IMMP2L: variants seen among roughly 807,000 people sequenced by gnomAD.
IMMP2L encodes the protein inner mitochondrial membrane peptidase subunit 2.
Under a neutral mutation model 19.3 loss-of-function variants are expected in IMMP2L, and 18 were observed. The observed-to-expected ratio is 0.93, with a 90% confidence interval of 0.64 to 1.38. The LOEUF is 1.38. Ranked by LOEUF, IMMP2L falls within the 40% of genes most tolerant of loss-of-function variation. The pLI is 0.00. For missense variants in IMMP2L, 233 were observed against 218.2 expected (o/e 1.07, Z -0.43); for synonymous variants, 76 against 73.0 (o/e 1.04, Z -0.21).
rs374116895 is a variant in IMMP2L at position 111,095,635 on chromosome 7, C to T, written c.240-132070G>A. 2.8e-4 allele frequency among the ~76,000 whole-genome samples: 42 copies of T among 152,042 alleles called. 1 individual carries two copies. Among genetic ancestry groups the T allele is most frequent in the East Asian group, 7.7e-4 (4 of 5,174 alleles). ...TTAGAGTTTTGCCCTGTTTTTAAAA[C>T]ATGTTAATAATAATACTGCTATCCT... On this transcript the variant is annotated intron_variant, in intron 3 of 5. Transcript: ENST00000405709.
chr7:110,962,672 G>A (rs997549261), intron 4 of IMMP2L: 17 of 974,196 alleles, frequency 1.7e-5, no homozygotes, highest in Non-Finnish European at 2.1e-5. Flanking sequence ...GGATCCTCTG[G>A]CCATGCTGTG....
intron 3 of IMMP2L, among the ~76,000 whole-genome samples, chr7:111,116,778 A>G (rs1799928543): frequency 1.3e-5 from 2 of 152,184 alleles, no homozygotes; most frequent in African/African-American, 4.8e-5. Context: ...GAAACACCCA[A>G]CAATAATAAC....
chr7:111,323,909 C>A (rs1052267461), intron 3 of IMMP2L, among the ~76,000 whole-genome samples: 4 of 152,134 alleles, frequency 2.6e-5, no homozygotes, highest in South Asian at 2.1e-4. Flanking sequence ...CCAAACACTG[C>A]ATGTTCTCAC....
intron 3 of IMMP2L, among the ~76,000 whole-genome samples, chr7:111,445,676 T>C (rs778985358): frequency 1.3e-5 from 2 of 151,290 alleles, no homozygotes; most frequent in Non-Finnish European, 2.9e-5. Context: ...GGAAATGGGA[T>C]TAATTAAAGA....
chr7:111,008,731 A>G (rs1261766564), intron 3 of IMMP2L, among the ~76,000 whole-genome samples: 1 of 152,070 alleles, frequency 6.6e-6, no homozygotes, highest in Non-Finnish European at 1.5e-5. Flanking sequence ...CTAGAATACT[A>G]TGTGGCACAT....
At chr7:111,260,123 A>G (rs1259351754) in intron 3 of IMMP2L, among the ~76,000 whole-genome samples, 1 of 152,220 alleles carries the variant, frequency 6.6e-6, no homozygotes, top group South Asian at 2.1e-4. Context: ...AAAGTATAGC[A>G]TAGTAAATAC....
intron 4 of IMMP2L, among the ~76,000 whole-genome samples, chr7:110,922,527 AC>A (rs1365420945): frequency 6.6e-6 from 1 of 152,142 alleles, no homozygotes; most frequent in Non-Finnish European, 1.5e-5. Context: ...ATCTAAATCC[AC>A]TTGACATAAT....
At chr7:111,527,026 C>T (rs925980996) in intron 1 of IMMP2L, among the ~76,000 whole-genome samples, 5 of 152,136 alleles carry the variant, frequency 3.3e-5, no homozygotes, top group African/African-American at 9.7e-5. Context: ...ATTACTTCTA[C>T]TCCATGTAGT....
intron 5 of IMMP2L, among the ~76,000 whole-genome samples, chr7:110,670,278 C>G (rs1041742242): frequency 1.3e-5 from 2 of 152,128 alleles, no homozygotes; most frequent in African/African-American, 4.8e-5. Context: ...TATACTGAAC[C>G]CTTGATCTTG....
At chr7:110,776,385 C>T (rs371926116) in intron 5 of IMMP2L, among the ~76,000 whole-genome samples, 5 of 152,078 alleles carry the variant, frequency 3.3e-5, no homozygotes, top group African/African-American at 7.2e-5. Context: ...GTTCCATGAA[C>T]GAGAGTCCAG....
rs1798130945 is a variant in IMMP2L at position 110,757,949 on chromosome 7, T to G, written c.409-94228A>C. On this transcript the variant is annotated intron_variant, in intron 5 of 5. Coordinates refer to ENST00000405709, the MANE Select transcript of IMMP2L (RefSeq NM_032549.4). The surrounding 1 kb of genome is among the most constrained non-coding windows in gnomAD (Gnocchi z 4.2). The stretch of plus-strand genomic sequence containing the variant: ...AGAAGGAAGTGGGATTGGGAATTCT[T>G]GGGTAGAAGTAGGAGTGATGTAGTA... 6.6e-6 allele frequency among the ~76,000 whole-genome samples: 1 copy of G among 152,008 alleles called. No individual in the cohort carries two copies. Among genetic ancestry groups the G allele is most frequent in the African/African-American group, 2.4e-5 (1 of 41,430 alleles).
At chr7:111,147,730 T>C (rs1031019354) in intron 3 of IMMP2L, among the ~76,000 whole-genome samples, 6 of 152,072 alleles carry the variant, frequency 3.9e-5, no homozygotes, top group Admixed American at 1.3e-4. Flanking sequence ...GAGCGACCAC[T>C]TCTGGAATGG....
chr7:110,915,464 G>A (rs1278089241), intron 4 of IMMP2L, among the ~76,000 whole-genome samples: 1 of 151,944 alleles, frequency 6.6e-6, no homozygotes, highest in Non-Finnish European at 1.5e-5. Context: ...CTGGGAGGGT[G>A]GGGGAAATGG....
intron 3 of IMMP2L, among the ~76,000 whole-genome samples, chr7:111,333,207 G>C (rs901334865): frequency 3.3e-5 from 5 of 152,128 alleles, no homozygotes; most frequent in Admixed American, 2.0e-4. Flanking sequence ...GCACAAACAA[G>C]GACTGTAATT....
At chr7:110,902,363 C>G in intron 4 of IMMP2L, among the ~76,000 whole-genome samples, 1 of 148,468 alleles carries the variant, frequency 6.7e-6, no homozygotes, top group East Asian at 2.0e-4. Context: ...TACCTAAAAG[C>G]CTGTACACTT....
chr7:110,856,596 T>C (rs1220242398), intron 5 of IMMP2L, among the ~76,000 whole-genome samples: 1 of 152,056 alleles, frequency 6.6e-6, no homozygotes, highest in African/African-American at 2.4e-5. Context: ...CTTGAGCAGC[T>C]AGCAAGATCT....
At chr7:111,352,961 C>T (rs1828327147) in intron 3 of IMMP2L, among the ~76,000 whole-genome samples, 1 of 152,206 alleles carries the variant, frequency 6.6e-6, no homozygotes, top group African/African-American at 2.4e-5. Context: ...GAAGTCTCAA[C>T]TGCCTTCCTG....
At chr7:110,737,066 C>A (rs1796680436) in intron 5 of IMMP2L, among the ~76,000 whole-genome samples, 1 of 152,136 alleles carries the variant, frequency 6.6e-6, no homozygotes, top group Non-Finnish European at 1.5e-5. Flanking sequence ...GGAGGCAGGA[C>A]TAGCTTGCAG....
intron 3 of IMMP2L, among the ~76,000 whole-genome samples, chr7:110,991,447 A>C (rs1480843524): frequency 6.6e-6 from 1 of 152,116 alleles, no homozygotes; most frequent in Non-Finnish European, 1.5e-5. Flanking sequence ...TGGTCTAGTA[A>C]TAGGAGCAAA....
Sources: gnomAD v4.1 joint callset for allele counts (sites outside exome capture counted in the v4.1 genomes callset) on GRCh38, gnomAD v4.1.1 for gene constraint, Gnocchi (gnomAD v3.1) non-coding constraint, MANE v1.5 for transcripts, NCBI Gene and HGNC (gene_info 2026-07-23, HGNC 2026-07-21) for gene names.